The following CNTN6 variants were observed in gnomAD, a reference collection of about 807,000 sequenced individuals.
CNTN6 encodes contactin 6, also known as contactin-6.
CNTN6 carries 137 observed loss-of-function variants against 122.8 expected under a neutral mutation model. The ratio of observed to expected loss-of-function variants is 1.12; its 90% CI spans 0.97 to 1.29. CNTN6 has a LOEUF of 1.29. Among genes scored for constraint, CNTN6 ranks in the 50% most tolerant of loss-of-function variants. The pLI, the probability that CNTN6 is intolerant of heterozygous loss-of-function variation, is 0.00. For synonymous variants in CNTN6, 570 were observed against 426.0 expected, an observed-to-expected ratio of 1.34 and a Z score of -4.16; for missense variants, 1,634 against 1,223.4, an observed-to-expected ratio of 1.34 and a Z score of -5.01.
intron 1 of CNTN6, among the ~76,000 whole-genome samples, chr3:1,139,294 T>C (rs2125131383): frequency 6.6e-6 from 1 of 152,254 alleles, no homozygotes; most frequent in Admixed American, 6.5e-5. Flanking sequence ...ATTCTGTTAT[T>C]GAATTCATTG....
intron 4 of CNTN6, among the ~76,000 whole-genome samples, chr3:1,257,441 A>G (rs2094777409): frequency 6.6e-6 from 1 of 152,042 alleles, no homozygotes; most frequent in Non-Finnish European, 1.5e-5. Context: ...TGTAAAAACT[A>G]TTTTTGGTCA....
intron 11 of CNTN6, among the ~76,000 whole-genome samples, chr3:1,348,639 G>C (rs1282095722): frequency 6.6e-6 from 1 of 151,956 alleles, no homozygotes; most frequent in Non-Finnish European, 1.5e-5. Context: ...GCTGCTTTTA[G>C]TAACTCTGCT....
At chr3:1,262,185 C>T (rs921348168) in intron 4 of CNTN6, among the ~76,000 whole-genome samples, 8 of 152,042 alleles carry the variant, frequency 5.3e-5, no homozygotes, top group African/African-American at 1.9e-4. Context: ...CTCAAAAATC[C>T]GAAGTAAGAG....
At chr3:1,399,375 T>C (rs1213545777) in intron 20 of CNTN6, among the ~76,000 whole-genome samples, 1 of 152,058 alleles carries the variant, frequency 6.6e-6, no homozygotes, top group African/African-American at 2.4e-5. Flanking sequence ...ATTCAGACCT[T>C]TAGAAATAAA....
chr3:1,217,781 G>A (rs1312693986), intron 2 of CNTN6, among the ~76,000 whole-genome samples: 2 of 152,168 alleles, frequency 1.3e-5, no homozygotes, highest in Non-Finnish European at 2.9e-5. Context: ...AGGAAGCATG[G>A]ATGTCCTGCC....
chr3:1,223,556 G>A (rs1384433665), intron 3 of CNTN6, among the ~76,000 whole-genome samples: 1 of 152,196 alleles, frequency 6.6e-6, no homozygotes, highest in East Asian at 1.9e-4. Context: ...CCCAAAGATG[G>A]TGCTTTGGAA....
chr3:1,309,431 C>G (rs1020138305), intron 7 of CNTN6, among the ~76,000 whole-genome samples: 2 of 152,130 alleles, frequency 1.3e-5, no homozygotes, highest in African/African-American at 4.8e-5. Flanking sequence ...CAAAGATATG[C>G]TGACTGTATT....
intron 1 of CNTN6, among the ~76,000 whole-genome samples, chr3:1,145,504 T>A (rs565918728): frequency 6.6e-6 from 1 of 152,138 alleles, no homozygotes; most frequent in South Asian, 2.1e-4. Context: ...GGTAAAAAAA[T>A]AATGAATATC....
At chr3:1,122,412 C>T (rs78864406) in intron 1 of CNTN6, among the ~76,000 whole-genome samples, 2,438 of 132,036 alleles carry the variant, frequency 0.018, 77 homozygotes, top group African/African-American at 0.068. Flanking sequence ...GGGTTCTCAA[C>T]CAGCGGTGAT....
intron 7 of CNTN6, among the ~76,000 whole-genome samples, chr3:1,304,967 A>G (rs893091917): frequency 6.7e-6 from 1 of 149,802 alleles, no homozygotes; most frequent in African/African-American, 2.4e-5. Flanking sequence ...CTCCAGCCTA[A>G]AGACAGAATG....
chr3:1,399,329 T>C (rs887598537), intron 20 of CNTN6, among the ~76,000 whole-genome samples: 1 of 149,536 alleles, frequency 6.7e-6, no homozygotes. Flanking sequence ...GGAGGATAAG[T>C]TGAGGAAGGA....
chr3:1,304,978 A>T (rs1698100913), intron 7 of CNTN6, among the ~76,000 whole-genome samples: 1 of 123,878 alleles, frequency 8.1e-6, no homozygotes, highest in Admixed American at 1.0e-4. Context: ...AGACAGAATG[A>T]GACTCTGTCA....
rs1227772577 is a variant in CNTN6 at position 1,374,049 on chromosome 3, G to A, written c.2071G>A (p.Glu691Lys). The part of the protein sequence containing the change: ...IGIGEPSEPS[E>K]LLRTKASVPV... ...GATTGGAGAACCAAGTGAACCATCA[G>A]AATTGTTAAGAACTAAAGCATCAGG... The change falls in exon 16 of 23, where the codon GAA (glutamate) becomes AAA (lysine). Residue 691 changes from glutamate (E) to lysine (K), a missense_variant. By Grantham distance (56) the Glu-to-Lys change is moderately conservative. Coordinates refer to ENST00000446702, the MANE Select transcript of CNTN6 (RefSeq NM_001289080.2). 5 of 1,612,736 alleles carry A rather than the reference G, an allele frequency of 3.1e-6. No homozygotes were observed. Among genetic ancestry groups the A allele is most frequent in the Non-Finnish European group, 4.2e-6 (5 of 1,179,036 alleles).
chr3:1,256,796 T>C (rs997897899), intron 4 of CNTN6, among the ~76,000 whole-genome samples: 1 of 152,174 alleles, frequency 6.6e-6, no homozygotes. Flanking sequence ...TAAATAAATG[T>C]CTCTTATTGG....
At chr3:1,256,932 A>G (rs1215697358) in intron 4 of CNTN6, among the ~76,000 whole-genome samples, 3 of 152,176 alleles carry the variant, frequency 2.0e-5, no homozygotes, top group Admixed American at 6.6e-5. Flanking sequence ...TAGGTTATAC[A>G]TTTTAAATGT....
intron 1 of CNTN6, among the ~76,000 whole-genome samples, chr3:1,131,742 C>G (rs183869704): frequency 3.7e-4 from 57 of 152,132 alleles, no homozygotes; most frequent in Admixed American, 3.7e-3. Context: ...TTCCTAGAAC[C>G]AATAAAAATG....
chr3:1,295,016 G>A (rs1023753043), intron 5 of CNTN6, among the ~76,000 whole-genome samples: 1 of 152,166 alleles, frequency 6.6e-6, no homozygotes, highest in South Asian at 2.1e-4. Context: ...ACTTTGGGAG[G>A]CTAAGGCAGG....
chr3:1,366,094 C>T (rs1708177643), intron 12 of CNTN6, among the ~76,000 whole-genome samples: 1 of 152,116 alleles, frequency 6.6e-6, no homozygotes, highest in Non-Finnish European at 1.5e-5. Flanking sequence ...ATCAGTATTT[C>T]TGGTGCAATA....
At chr3:1,198,584 T>C (rs1052824767) in intron 2 of CNTN6, among the ~76,000 whole-genome samples, 1 of 151,980 alleles carries the variant, frequency 6.6e-6, no homozygotes, top group Non-Finnish European at 1.5e-5. Context: ...TAGCCAGTCA[T>C]GGGGGTGCAT....
Sources: gnomAD v4.1 joint callset for allele counts (sites outside exome capture counted in the v4.1 genomes callset) on GRCh38, gnomAD v4.1.1 for gene constraint, MANE v1.5 for transcripts, NCBI Gene and HGNC (gene_info 2026-07-23, HGNC 2026-07-21) for gene names.